The following RPS7 variants were observed in gnomAD, a reference collection of about 807,000 sequenced individuals.
RPS7 encodes ribosomal protein S7, also known as small ribosomal subunit protein eS7.
RPS7 carries 1 observed loss-of-function variant against 22.1 expected under a neutral mutation model. The observed-to-expected ratio is 0.05, with a 90% CI of 0.02 to 0.21. The LOEUF (loss-of-function observed/expected upper bound fraction) is 0.21, where lower values mean the gene tolerates loss of function less well. Ranked by LOEUF, RPS7 falls within the 10% of genes least tolerant of loss-of-function variation. RPS7 has a pLI of 1.00. For missense variants in RPS7, 137 were observed against 246.4 expected, an observed-to-expected ratio of 0.56 and a Z score of 2.97; for synonymous variants, 80 against 92.0, an observed-to-expected ratio of 0.87 and a Z score of 0.74.
Position 3,575,695 on chromosome 2 carries a change from T to G in RPS7, c.75+11T>G, listed in dbSNP as rs994853780. 2.5e-6 allele frequency: 4 copies of G among 1,610,704 alleles called. No homozygotes were observed. The African/African-American group carries it at 5.3e-5, about 22-fold the overall frequency. Reference sequence around the variant, plus strand: ...TCCGGCATCTCCCAGGTGAGAGGGTTTCCCTGGGGTCTGGGGTGGGGGGAG... The same window carrying G: ...TCCGGCATCTCCCAGGTGAGAGGGTGTCCCTGGGGTCTGGGGTGGGGGGAG... On this transcript the variant is annotated intron_variant, in intron 2 of 6. Transcript: ENST00000645674.
Position 3,580,684 on chromosome 2 carries a change from T to A in RPS7, c.508-121T>A, listed in dbSNP as rs1007119207. The A allele has an allele frequency of 2.5e-5, 18 of 717,702 alleles. No homozygotes were observed. The African/African-American group carries it at 3.0e-4, about 12-fold the overall frequency. The allele number at this position is 717,702 out of a possible 1,614,324, so 44.5% of individuals were successfully genotyped here. On this transcript the variant is annotated intron_variant, in intron 6 of 6. Coordinates refer to ENST00000645674, the MANE Select transcript of RPS7 (RefSeq NM_001011.4). ...CCGGTCGTGAAGACTGCTGCAGACATGTTGTGTGTACTTAGTTGCTGAGGA... is the reference window on the plus strand; with the variant it reads ...CCGGTCGTGAAGACTGCTGCAGACAAGTTGTGTGTACTTAGTTGCTGAGGA...
intron 5 of RPS7, 98 bp from the exon 6 acceptor site, chr2:3,580,012 G>A (rs1661365507): frequency 1.8e-6 from 2 of 1,111,008 alleles, no homozygotes; most frequent in Non-Finnish European, 2.8e-6. Flanking sequence ...TCAGGAACCT[G>A]GGATTTGCAT....
Position 3,575,627 on chromosome 2 carries a change from C to T in RPS7, c.18C>T (p.Ala6=). The T allele has an allele frequency of 6.2e-7, 1 of 1,611,188 alleles. No homozygotes were observed. Among genetic ancestry groups the T allele is most frequent in the East Asian group, 2.2e-5 (1 of 44,838 alleles). The change falls in exon 2 of 7, where the codon GCC becomes GCT. Residue 6 remains alanine, a synonymous_variant. Coordinates refer to ENST00000645674, the MANE Select transcript of RPS7 (RefSeq NM_001011.4). ...AGAAAGCCATGTTCAGTTCGAGCGC[C>T]AAGATCGTGAAGCCCAATGGCGAGA... The part of the protein sequence containing the change: MFSSS[A]KIVKPNGEKP...
intron 4 of RPS7, 21 bp from the exon 5 acceptor site, chr2:3,577,689 A>T (rs150686417): frequency 6.3e-7 from 1 of 1,580,264 alleles, no homozygotes; most frequent in Non-Finnish European, 8.7e-7. Flanking sequence ...ATTTTGTTAC[A>T]TGATAATTTT....
Position 3,576,535 on chromosome 2 carries a change from G to A in RPS7, c.196G>A (p.Val66Ile). Residue 66 changes from valine to isoleucine, a missense_variant, in exon 4 of 7, where the codon GTT becomes ATT. Transcript: ENST00000645674. Reference sequence around the variant, plus strand: ...GAAAGCTATCATAATCTTTGTTCCCGTTCCTCAACTGAAATCTTTCCAGAA... The same window carrying A: ...GAAAGCTATCATAATCTTTGTTCCCATTCCTCAACTGAAATCTTTCCAGAA... The part of the protein sequence containing the change: ...GRKAIIIFVP[V>I]PQLKSFQKIQ... 6.2e-7 allele frequency: 1 copy of A among 1,613,766 alleles called. No homozygotes were observed. Among genetic ancestry groups the A allele is most frequent in the South Asian group, 1.1e-5 (1 of 91,068 alleles).
At chr2:3,576,329 G>T (rs1357567790) in intron 3 of RPS7, 158 bp from the exon 4 acceptor site, 2 of 744,490 alleles carry the variant, frequency 2.7e-6, no homozygotes, top group Non-Finnish European at 4.8e-6. Flanking sequence ...AGAGAGATGA[G>T]AACATTTCCG....
chr2:3,576,418 C>A, intron 3 of RPS7, 69 bp from the exon 4 acceptor site: 1 of 1,383,174 alleles, frequency 7.2e-7, no homozygotes, highest in Non-Finnish European at 1.0e-6. Context: ...GTCTTCTTAT[C>A]CTCTAATTTG....
rs949577458 is a variant in RPS7, at chr2:3,577,994, C to T, written c.356+220C>T. 18 of 574,512 alleles carry T rather than the reference C, an allele frequency of 3.1e-5. No individual in the cohort carries two copies. The South Asian group carries it at 3.6e-4, about 11-fold the overall frequency. The allele number at this position is 574,512 out of a possible 1,614,324, so 35.6% of individuals were successfully genotyped here. On this transcript the variant is annotated intron_variant, in intron 5 of 6. Coordinates refer to ENST00000645674, the MANE Select transcript of RPS7 (RefSeq NM_001011.4). ...TTTGCCTACTAGGTCAGTGCTGTCA[C>T]AAGATGAGATGATTTCCTCCGATTA... is the stretch of plus-strand genomic sequence containing the variant.
At position 3,575,321 on chromosome 2, in the gene RPS7, G is replaced by A. The variant is rs1661249296; in HGVS notation, c.-48G>A. On this transcript the variant is annotated 5_prime_UTR_variant, in exon 1 of 7. Transcript: ENST00000645674. ...ATTTTGACGTGCTCTCGCGAGATTT[G>A]GGTCTCTTCCTAAGCCGGCGCTCGG... 4.1e-6 allele frequency: 2 copies of A among 491,218 alleles called. No homozygotes were observed. The highest frequency in any genetic ancestry group is 7.3e-6 in the Non-Finnish European group (2 of 275,308). 30.4% of individuals were successfully genotyped at this position (491,218 alleles called of 1,614,324 possible).
At chr2:3,579,975 T>A (rs1661364313) in intron 5 of RPS7, 135 bp from the exon 6 acceptor site, 1 of 833,630 alleles carries the variant, frequency 1.2e-6, no homozygotes, top group African/African-American at 1.7e-5. Context: ...ATAACAAGCT[T>A]ATTTGAAAAT....
chr2:3,575,529 C>T, intron 1 of RPS7, 63 bp from the exon 2 acceptor site: 1 of 1,051,492 alleles, frequency 9.5e-7, no homozygotes, highest in Non-Finnish European at 1.4e-6. Context: ...GGGGTGCGGG[C>T]GGGAGGGCGA....
intron 5 of RPS7, chr2:3,579,741 T>G: frequency 6.2e-6 from 2 of 323,870 alleles, no homozygotes; most frequent in South Asian, 6.0e-5. Context: ...TGAGCAAGAG[T>G]GTTAAAGGTT....
rs1661248360 is a variant in RPS7 at position 3,575,307 on chromosome 2, C to T, written c.-62C>T. Reference sequence around the variant, plus strand: ...CCTTCGGACGCCGGATTTTGACGTGCTCTCGCGAGATTTGGGTCTCTTCCT... The same window carrying T: ...CCTTCGGACGCCGGATTTTGACGTGTTCTCGCGAGATTTGGGTCTCTTCCT... On this transcript the variant is annotated 5_prime_UTR_variant, in exon 1 of 7. Transcript: ENST00000645674. The T allele has an allele frequency of 2.2e-6, 1 of 463,150 alleles. No homozygotes were observed. The highest frequency in any genetic ancestry group is 2.4e-5 in the South Asian group (1 of 41,348). 28.7% of individuals were successfully genotyped at this position (463,150 alleles called of 1,614,324 possible). A position where few individuals can be genotyped will look rare whatever the true frequency, so the allele number is the denominator to read the frequency against.
chr2:3,578,014 C>T (rs886671303), intron 5 of RPS7: 18 of 548,002 alleles, frequency 3.3e-5, no homozygotes, highest in Non-Finnish European at 4.5e-5. Flanking sequence ...TGATTTCCTC[C>T]GATTATTTGT....
intron 3 of RPS7, 125 bp downstream of exon 3, chr2:3,576,013 G>A: frequency 1.3e-6 from 1 of 768,992 alleles, no homozygotes; most frequent in Non-Finnish European, 2.3e-6. Context: ...CCTGAACTCA[G>A]GTTCGGCCGT....
Position 3,580,145 on chromosome 2 carries a change from A to T in RPS7, c.392A>T (p.Glu131Val), listed in dbSNP as rs1330571701. The T allele has an allele frequency of 6.2e-7, 1 of 1,613,700 alleles. No individual in the cohort carries two copies. ...TLTAVHDAIL[E>V]DLVFPSEIVG... ...ACAGCTGTGCACGATGCCATCCTTG[A>T]GGACTTGGTCTTCCCAAGCGAAATT... Residue 131 changes from glutamate (E) to valine (V), a missense_variant, in exon 6 of 7, where the codon GAG becomes GTG. Physicochemically the swap from Glu to Val is moderately radical, Grantham distance 121 (BLOSUM62 -2). Coordinates refer to ENST00000645674, the MANE Select transcript of RPS7 (RefSeq NM_001011.4).
chr2:3,578,081 G>T (rs1661325016), intron 5 of RPS7: 1 of 322,220 alleles, frequency 3.1e-6, no homozygotes, highest in Non-Finnish European at 5.8e-6. Flanking sequence ...GATATAGCAT[G>T]CTAGACACAG....
chr2:3,578,589 T>A (rs1661336030), intron 5 of RPS7: 1 of 152,130 alleles, frequency 6.6e-6, no homozygotes, highest in South Asian at 2.1e-4. Context: ...TGGTAATGTG[T>A]TATTGTGTCG....
At position 3,576,602 on chromosome 2, in the gene RPS7, G is replaced by T. The variant is rs2147819948; in HGVS notation, c.263G>T (p.Ser88Ile). 1.9e-6 allele frequency: 3 copies of T among 1,614,228 alleles called. No individual in the cohort carries two copies. The highest frequency in any genetic ancestry group is 2.5e-6 in the Non-Finnish European group (3 of 1,180,036). ...RLVRELEKKFSGKHVVFIAQR... is the reference protein window; with the variant it reads ...RLVRELEKKFIGKHVVFIAQR... ...GTACGCGAATTGGAGAAAAAGTTCA[G>T]TGGGAAGCATGTCGTCTTTATCGCT... Residue 88 changes from serine to isoleucine, a missense_variant, in exon 4 of 7, where the codon AGT becomes ATT. Physicochemically the swap from Ser to Ile is moderately radical, Grantham distance 142 (BLOSUM62 -2). Around this residue, in one of 2 missense-constraint regions of RPS7, gnomAD observed 74 missense variants for 171.4 expected, o/e 0.43. Transcript: ENST00000645674.
Sources: allele counts gnomAD v4.1 joint callset, GRCh38; gene constraint gnomAD v4.1.1; regional missense constraint gnomAD v4.1.1; transcripts MANE v1.5; gene names NCBI Gene and HGNC (gene_info 2026-07-23, HGNC 2026-07-21).